ABCA6: variants seen among roughly 807,000 people sequenced by gnomAD.
The protein encoded by ABCA6 is ATP binding cassette subfamily A member 6, also known as ATP-binding cassette sub-family A member 6.
ABCA6 carries 164 observed loss-of-function variants against 191.2 expected under a neutral mutation model. That is an observed-to-expected ratio of 0.86 (90% CI 0.76 to 0.98). The LOEUF is 0.98. Ranked by LOEUF, ABCA6 falls within the 50% of genes least tolerant of loss-of-function variation. ABCA6 has a pLI of 0.00. For missense variants in ABCA6, 1,958 were observed against 1,894.1 expected (o/e 1.03, Z -0.63); for synonymous variants, 636 against 647.7 (o/e 0.98, Z 0.27).
chr17:69,082,901 G>T lies in ABCA6; in HGVS notation c.4588C>A (p.Leu1530Ile). 2 of 1,614,182 alleles carry T rather than the reference G, an allele frequency of 1.2e-6. No homozygotes were observed. The highest frequency in any genetic ancestry group is 1.7e-6 in the Non-Finnish European group (2 of 1,180,020). The part of the protein sequence containing the change: ...VTLVHTEILK[L>I]FPQAAGQERY... ...TCCTGCCCTGCAGCCTGTGGGAAAAGCTTCAGAATCTCAGTGTGGACCAAA... is the reference window on the plus strand; with the variant it reads ...TCCTGCCCTGCAGCCTGTGGGAAAATCTTCAGAATCTCAGTGTGGACCAAA... Residue 1530 changes from leucine to isoleucine, a missense_variant, in exon 36 of 39, where the codon CTT becomes ATT. Transcript: ENST00000284425.
chr17:69,103,223 T>G (rs1048849021), intron 20 of ABCA6, among the ~76,000 whole-genome samples: 1 of 152,186 alleles, frequency 6.6e-6, no homozygotes, highest in Non-Finnish European at 1.5e-5. Flanking sequence ...AAGCTAATTC[T>G]ATTGTATGAC....
chr17:69,084,270 T>C lies in ABCA6; in HGVS notation c.4346A>G (p.Gln1449Arg), dbSNP rs748112766. ...GTATAATGATGCTCACCACATTTGC[T>C]GCTGCCCTGTGGGGTCTATGCCCGT... Reference protein sequence around the residue: ...PSTGIDPTGQQQMWQAIQAVV... With the variant: ...PSTGIDPTGQRQMWQAIQAVV... The change falls in exon 34 of 39, where the codon CAG (glutamine) becomes CGG (arginine). Residue 1449 changes from glutamine (Q) to arginine (R), a missense_variant. Transcript: ENST00000284425. 40 of 1,614,124 alleles carry C rather than the reference T, an allele frequency of 2.5e-5. No individual in the cohort carries two copies. The highest frequency in any genetic ancestry group is 3.2e-5 in the Non-Finnish European group (38 of 1,179,960).
chr17:69,105,540 TA>T lies in ABCA6; in HGVS notation c.2661del (p.Phe887LeufsTer22). The T allele has an allele frequency of 6.2e-7, 1 of 1,605,578 alleles. No individual in the cohort carries two copies. Among genetic ancestry groups the T allele is most frequent in the Non-Finnish European group, 8.5e-7 (1 of 1,173,864 alleles). On this transcript the variant is annotated frameshift_variant, in exon 20 of 39. Transcript: ENST00000284425. LOFTEE classifies it high-confidence loss of function. ...AMLNEKIDWE[F>X]KNELYFLSPG... ...GGAGAGAGAAAATACAATTCGTTTT[TA>T]AATTCCCAATCGATCTTTTCATTTA...
At chr17:69,115,821 T>C (rs2073527871) in intron 11 of ABCA6, 1 of 160,908 alleles carries the variant, frequency 6.2e-6, no homozygotes, top group Non-Finnish European at 1.3e-5. Context: ...ATAAATAATA[T>C]TGGGACAACT....
chr17:69,127,350 G>GA (rs1445062221), intron 8 of ABCA6, among the ~76,000 whole-genome samples: 2 of 151,848 alleles, frequency 1.3e-5, no homozygotes, highest in East Asian at 1.9e-4. Context: ...ATTAAGAGAG[G>GA]AAAAAAGCCA....
Position 69,097,965 on chromosome 17 carries a change from A to T in ABCA6, c.3075T>A (p.Cys1025Ter). The T allele has an allele frequency of 6.2e-7, 1 of 1,612,122 alleles. No individual in the cohort carries two copies. Reference protein sequence around the residue: ...DGSFFLFLVLCSISPYITMGS... With the variant: ...DGSFFLFLVL ...CCATGGTGATATAAGGAGAAATGCT[A>T]CATAGAACCAAAAATAAGAAAAAGG... Residue 1025 changes from cysteine to a stop codon, truncating the protein, a stop_gained, in exon 23 of 39, where the codon TGT (cysteine) becomes TGA (stop). Transcript: ENST00000284425. LOFTEE classifies it high-confidence loss of function.
Position 69,140,716 on chromosome 17 carries a change from C to G in ABCA6, c.-13G>C. 1 of 1,526,982 alleles carries G rather than the reference C, an allele frequency of 6.5e-7. No individual in the cohort carries two copies. The highest frequency in any genetic ancestry group is 2.4e-5 in the East Asian group (1 of 40,906). 94.6% of individuals were successfully genotyped at this position (1,526,982 alleles called of 1,614,324 possible). ...GTTTCATATTCATTTAGCCTATTCG[C>G]TGAAGGAGAAAGTAATCATGGTGGA... is the stretch of plus-strand genomic sequence containing the variant. On this transcript the variant is annotated 5_prime_UTR_variant, in exon 2 of 39. Transcript: ENST00000284425.
At chr17:69,132,184 T>C (rs1490023483) in intron 6 of ABCA6, among the ~76,000 whole-genome samples, 1 of 152,176 alleles carries the variant, frequency 6.6e-6, no homozygotes, top group Non-Finnish European at 1.5e-5. Flanking sequence ...AATTGTTCAA[T>C]ACATAATTTC....
At chr17:69,130,532 T>C (rs914519041) in intron 6 of ABCA6, among the ~76,000 whole-genome samples, 11 of 152,210 alleles carry the variant, frequency 7.2e-5, no homozygotes, top group African/African-American at 2.7e-4. Context: ...TGCTGTATAA[T>C]ATTTCATTAT....
Position 69,081,076 on chromosome 17 carries a change from T to G in ABCA6, c.4686A>C (p.Lys1562Asn). 1.9e-6 allele frequency: 3 copies of G among 1,596,184 alleles called. No individual in the cohort carries two copies. Among genetic ancestry groups the G allele is most frequent in the Non-Finnish European group, 2.6e-6 (3 of 1,170,430 alleles). ...TGTGGTCACTCTTACCTGCTTCTAATTTGTGAAAGGTCTGTGATAGAGGGT... is the reference window on the plus strand; with the variant it reads ...TGTGGTCACTCTTACCTGCTTCTAAGTTGTGAAAGGTCTGTGATAGAGGGT... ...DVYPLSQTFHKLEAVKHNFNL... is the reference protein window; with the variant it reads ...DVYPLSQTFHNLEAVKHNFNL... The change falls in exon 37 of 39, where the codon AAA becomes AAC. Residue 1562 changes from lysine (K) to asparagine (N), a missense_variant. Coordinates refer to ENST00000284425, the MANE Select transcript of ABCA6 (RefSeq NM_080284.3).
intron 11 of ABCA6, 68 bp from the exon 12 acceptor site, chr17:69,115,554 T>TTCTATGTTGGGACCAGG: frequency 1.8e-6 from 2 of 1,115,972 alleles, no homozygotes; most frequent in Non-Finnish European, 2.6e-6. Flanking sequence ...ACAGGCCTGG[T>TTCTATGTTGGGACCAGG]CCCAACATAG....
At position 69,085,629 on chromosome 17, in the gene ABCA6, C is replaced by T. The variant is rs2072765429; in HGVS notation, c.4025G>A (p.Gly1342Glu). The T allele has an allele frequency of 6.2e-7, 1 of 1,610,316 alleles. No homozygotes were observed. The highest frequency in any genetic ancestry group is 8.5e-7 in the Non-Finnish European group (1 of 1,177,156). ...TGGAAACCATTTCCTCACTACCTCTCCAGCAGTTGGCTTTGTGATCCCAGA... is the reference window on the plus strand; with the variant it reads ...TGGAAACCATTTCCTCACTACCTCTTCAGCAGTTGGCTTTGTGATCCCAGA... Reference protein sequence around the residue: ...MISGITKPTAGEVELKGCSSV... With the variant: ...MISGITKPTAEEVELKGCSSV... The change falls in exon 31 of 39, where the codon GGA becomes GAA. Residue 1342 changes from glycine to glutamate, a missense_variant. Gly to Glu is a moderately conservative substitution (Grantham distance 98, BLOSUM62 -2). Transcript: ENST00000284425.
intron 10 of ABCA6, among the ~76,000 whole-genome samples, chr17:69,122,696 T>C (rs1005596184): frequency 1.7e-4 from 26 of 151,560 alleles, no homozygotes; most frequent in African/African-American, 6.1e-4. Context: ...GGAGCAAGTA[T>C]AAAAGAGAGG....
At chr17:69,082,326 CAA>C (rs2072656482) in intron 36 of ABCA6, among the ~76,000 whole-genome samples, 2 of 83,490 alleles carry the variant, frequency 2.4e-5, no homozygotes, top group South Asian at 3.5e-4. Context: ...CAGACATACA[CAA>C]ACACACACAC....
At chr17:69,113,488 T>C (rs2144674204) in intron 14 of ABCA6, 128 bp from the exon 15 acceptor site, 1 of 1,533,622 alleles carries the variant, frequency 6.5e-7, no homozygotes, top group Non-Finnish European at 8.8e-7. Flanking sequence ...TATACTTCTA[T>C]TTATAGTTAA....
At chr17:69,114,247 A>T (rs980457529) in intron 13 of ABCA6, among the ~76,000 whole-genome samples, 14 of 152,114 alleles carry the variant, frequency 9.2e-5, no homozygotes, top group Admixed American at 6.6e-5. Context: ...AAAAATGATG[A>T]GTTCATGTCC....
chr17:69,124,974 T>C lies in ABCA6; in HGVS notation c.1181A>G (p.Tyr394Cys), dbSNP rs878955326. 21 of 1,557,758 alleles carry C rather than the reference T, an allele frequency of 1.3e-5. No homozygotes were observed. The highest frequency in any genetic ancestry group is 3.7e-5 in the South Asian group (3 of 81,866). Reference sequence around the variant, plus strand: ...CATAGAAAAAGTTGCTATCATTGTATATGAGTCTCCTGAAGGGTCAGGAAA... The same window carrying C: ...CATAGAAAAAGTTGCTATCATTGTACATGAGTCTCCTGAAGGGTCAGGAAA... ...VIFPDPSGDS[Y>C]TMIATFSMLL... is the part of the protein sequence containing the mutation. Residue 394 changes from tyrosine to cysteine, a missense_variant, in exon 9 of 39, where the codon TAT becomes TGT. Transcript: ENST00000284425.
chr17:69,112,660 G>A (rs948787245), intron 15 of ABCA6: 1 of 177,116 alleles, frequency 5.6e-6, no homozygotes, highest in African/African-American at 2.4e-5. Flanking sequence ...GGAAGGGTGA[G>A]AGAGTCAGAG....
intron 32 of ABCA6, 23 bp from the exon 33 acceptor site, chr17:69,084,530 T>C (rs910072234): frequency 1.1e-5 from 18 of 1,612,292 alleles, no homozygotes; most frequent in Non-Finnish European, 1.4e-5. Context: ...AGAATGAGAA[T>C]ATCTGGTCAA....
Sources: allele counts gnomAD v4.1 joint callset (sites outside exome capture counted in the v4.1 genomes callset), GRCh38; gene constraint gnomAD v4.1.1; transcripts MANE v1.5; gene names NCBI Gene and HGNC (gene_info 2026-07-23, HGNC 2026-07-21).